ROS1: variants seen among roughly 807,000 people sequenced by gnomAD.
The protein encoded by ROS1 is proto-oncogene tyrosine-protein kinase ROS.
A neutral mutation model predicts 273.5 loss-of-function variants in ROS1; 263 were observed. The ratio of observed to expected loss-of-function variants is 0.96; its 90% CI spans 0.87 to 1.06. The LOEUF is 1.06. ROS1 is among the 50% of genes least tolerant of loss of function. The pLI is 0.00. For missense variants in ROS1, 2,833 were observed against 2,751.1 expected (o/e 1.03, Z -0.67); for synonymous variants, 1,008 against 954.1 (o/e 1.06, Z -1.04).
Position 117,398,319 on chromosome 6 carries a change from C to T in ROS1, c.605-1203G>A, listed in dbSNP as rs76517505. ...AAAATCATCCCTGAAATGCTGGTAT[C>T]CCTTGTCTGACAATCATTCCTTTGT... On this transcript the variant is annotated intron_variant, in intron 7 of 43. Coordinates refer to ENST00000368507, the MANE Select transcript of ROS1 (RefSeq NM_001378902.1). Among the ~76,000 whole-genome samples the T allele has an allele frequency of 4.6e-5, 7 of 152,110 alleles. No individual in the cohort carries two copies. In the East Asian group the frequency reaches 1.4e-3, roughly 29 times the overall value.
chr6:117,360,108 G>T, intron 23 of ROS1, 97 bp from the exon 24 acceptor site: 1 of 955,618 alleles, frequency 1.0e-6, no homozygotes, highest in Non-Finnish European at 1.6e-6. Flanking sequence ...AAGTCCATGG[G>T]CTCCCTTTGG....
intron 18 of ROS1, among the ~76,000 whole-genome samples, chr6:117,367,008 G>T (rs1179910923): frequency 6.6e-6 from 1 of 152,178 alleles, no homozygotes; most frequent in Non-Finnish European, 1.5e-5. Context: ...GCATAAGAAA[G>T]ACATGAGGCA....
chr6:117,365,890 T>C (rs1780178733), intron 19 of ROS1, 149 bp from the exon 20 acceptor site: 3 of 904,438 alleles, frequency 3.3e-6, no homozygotes, highest in Non-Finnish European at 4.9e-6. Context: ...AAAAATCATC[T>C]TTTTCTGACT....
At chr6:117,321,217 C>T (rs2128563000) in intron 36 of ROS1, 42 bp downstream of exon 36, 3 of 1,599,814 alleles carry the variant, frequency 1.9e-6, no homozygotes, top group African/African-American at 1.3e-5. Flanking sequence ...TGTTGCCCAC[C>T]CTTTGCCTAG....
chr6:117,422,112 C>G (rs1226951315), intron 1 of ROS1, among the ~76,000 whole-genome samples: 1 of 152,130 alleles, frequency 6.6e-6, no homozygotes, highest in African/African-American at 2.4e-5. Flanking sequence ...CCTGCTCAAT[C>G]AATCCTCCCA....
rs142940626 is a variant in ROS1, at chr6:117,389,602, C to A, written c.1534G>T (p.Ala512Ser). Residue 512 changes from alanine (A) to serine (S), a missense_variant, in exon 13 of 44, where the codon GCT becomes TCT. By Grantham distance (99) the Ala-to-Ser change is moderately conservative (BLOSUM62 1). Coordinates refer to ENST00000368507, the MANE Select transcript of ROS1 (RefSeq NM_001378902.1). ...ACAAGAAAGTCATTGTTTTCACAAGCAAAACTTTTCACATCAGCAAAGGGG... is the reference window on the plus strand; with the variant it reads ...ACAAGAAAGTCATTGTTTTCACAAGAAAAACTTTTCACATCAGCAAAGGGG... ...RIPFADVKSF[A>S]CENNDFLVTD... 8.0e-5 allele frequency: 129 copies of A among 1,614,180 alleles called. No individual in the cohort carries two copies. In the South Asian group the frequency reaches 8.8e-4, roughly 11 times the overall value.
chr6:117,298,030 C>T (rs930923621), intron 43 of ROS1, among the ~76,000 whole-genome samples: 2 of 141,116 alleles, frequency 1.4e-5, no homozygotes, highest in African/African-American at 2.5e-5. Context: ...AAATACTATT[C>T]AGCCACTAAA....
chr6:117,307,105 C>T (rs1775162993), intron 42 of ROS1, among the ~76,000 whole-genome samples: 1 of 151,962 alleles, frequency 6.6e-6, no homozygotes. Context: ...AGCACTGCTC[C>T]TTCCTCCTTC....
At chr6:117,365,334 T>C in intron 20 of ROS1, 130 bp from the exon 21 acceptor site, 1 of 982,734 alleles carries the variant, frequency 1.0e-6, no homozygotes, top group Non-Finnish European at 1.5e-6. Context: ...AAGTGCTAAT[T>C]TTGGCAAGTT....
chr6:117,301,238 C>A (rs572455036), intron 42 of ROS1, 101 bp from the exon 43 acceptor site: 15 of 998,640 alleles, frequency 1.5e-5, no homozygotes, highest in Non-Finnish European at 2.2e-5. Flanking sequence ...TGAGTTATTG[C>A]CAGTTTTCCT....
rs2128555675 is a variant in ROS1, at chr6:117,317,224, C to T, written c.6036G>A (p.Leu2012=). The T allele has an allele frequency of 1.9e-6, 3 of 1,613,218 alleles. No homozygotes were observed. Among genetic ancestry groups the T allele is most frequent in the Non-Finnish European group, 2.5e-6 (3 of 1,179,538 alleles). ...CCAGGATAATGTATTGGGGTTCATT[C>T]AGCAGACAAACTCCAAGCTGCTTCA... ...NILKQLGVCL[L]NEPQYIILEL... The change falls in exon 39 of 44, where the codon CTG becomes CTA. Residue 2012 remains leucine (L), a synonymous_variant. Transcript: ENST00000368507.
rs1772300846 is a variant in ROS1 at position 117,383,301 on chromosome 6, T to C, written c.2481+16A>G. ...TATTCAGTATTACTAAATGATCAGA[T>C]CTTTTAATTTGTCACCTTTTTCCCA... On this transcript the variant is annotated intron_variant, in intron 17 of 43. Coordinates refer to ENST00000368507, the MANE Select transcript of ROS1 (RefSeq NM_001378902.1). 1.3e-6 allele frequency: 2 copies of C among 1,593,558 alleles called. No individual in the cohort carries two copies. Among genetic ancestry groups the C allele is most frequent in the South Asian group, 2.2e-5 (2 of 90,420 alleles).
chr6:117,365,748 G>A lies in ROS1; in HGVS notation c.2798-7C>T, dbSNP rs2128661317. ...GGGGTAAAGGAAAAGTTCCCTACAG[G>A]ATGAAACAAAAAAAAGAAATAGGAG... On this transcript the variant is annotated splice_region_variant and splice_polypyrimidine_tract_variant and intron_variant, in intron 19 of 43. Coordinates refer to ENST00000368507, the MANE Select transcript of ROS1 (RefSeq NM_001378902.1). 6.5e-7 allele frequency: 1 copy of A among 1,531,876 alleles called. No homozygotes were observed. The highest frequency in any genetic ancestry group is 8.7e-7 in the Non-Finnish European group (1 of 1,146,214). 94.9% of individuals were successfully genotyped at this position (1,531,876 alleles called of 1,614,324 possible).
rs750031784 is a variant in ROS1 at position 117,365,739 on chromosome 6, T to C, written c.2800A>G (p.Asn934Asp). The change falls in exon 20 of 44, where the codon AAC (asparagine) becomes GAC (aspartate). Residue 934 changes from asparagine (N) to aspartate (D), a missense_variant and splice_region_variant. Asn to Asp is a conservative substitution (Grantham distance 23). Transcript: ENST00000368507. ...IQTSLKPLPGNFSFTPKVIPD... is the reference protein window; with the variant it reads ...IQTSLKPLPGDFSFTPKVIPD... Reference sequence around the variant, plus strand: ...ATAACCTTAGGGGTAAAGGAAAAGTTCCCTACAGGATGAAACAAAAAAAAG... The same window carrying C: ...ATAACCTTAGGGGTAAAGGAAAAGTCCCCTACAGGATGAAACAAAAAAAAG... 2 of 1,561,670 alleles carry C rather than the reference T, an allele frequency of 1.3e-6. No homozygotes were observed.
chr6:117,373,170 A>T (rs1220132093), intron 18 of ROS1, among the ~76,000 whole-genome samples: 4 of 152,360 alleles, frequency 2.6e-5, no homozygotes, highest in African/African-American at 9.6e-5. Flanking sequence ...ACAATCCTCC[A>T]GCTAGACATA....
chr6:117,388,271 G>C (rs1229317921), intron 13 of ROS1, among the ~76,000 whole-genome samples: 2 of 152,144 alleles, frequency 1.3e-5, no homozygotes, highest in African/African-American at 4.8e-5. Flanking sequence ...ATAATTGTCA[G>C]AGGGGTTCTC....
At position 117,341,146 on chromosome 6, in the gene ROS1, C is replaced by T. The variant is rs1278432974; in HGVS notation, c.5050G>A (p.Glu1684Lys). The T allele has an allele frequency of 6.2e-7, 1 of 1,605,516 alleles. No homozygotes were observed. The highest frequency in any genetic ancestry group is 8.5e-7 in the Non-Finnish European group (1 of 1,177,100). Residue 1684 changes from glutamate to lysine, a missense_variant, in exon 31 of 44, where the codon GAG (glutamate) becomes AAG (lysine). Coordinates refer to ENST00000368507, the MANE Select transcript of ROS1 (RefSeq NM_001378902.1). Reference protein sequence around the residue: ...LNVNLIRFWVELQKWKYNEFY... With the variant: ...LNVNLIRFWVKLQKWKYNEFY... ...CATTAAAAGTCTACCTTCTGTAGCT[C>T]AACCCAAAATCTGATGAGGTTAACA...
At position 117,425,769 on chromosome 6, in the gene ROS1, T is replaced by C; in HGVS notation, c.-113A>G. On this transcript the variant is annotated 5_prime_UTR_variant, in exon 1 of 44. Coordinates refer to ENST00000368507, the MANE Select transcript of ROS1 (RefSeq NM_001378902.1). ...GAGGAGTAGCTGATGGATTTTGCTTTGTTTGTTTTGCTATATTAGGATATA... is the reference window on the plus strand; with the variant it reads ...GAGGAGTAGCTGATGGATTTTGCTTCGTTTGTTTTGCTATATTAGGATATA... 4 of 1,203,700 alleles carry C rather than the reference T, an allele frequency of 3.3e-6. No homozygotes were observed. Among genetic ancestry groups the C allele is most frequent in the Non-Finnish European group, 4.8e-6 (4 of 841,076 alleles). The allele number at this position is 1,203,700 out of a possible 1,614,324, so 74.6% of individuals were successfully genotyped here. A position where few individuals can be genotyped will look rare whatever the true frequency, so the allele number is the denominator to read the frequency against.
At position 117,383,361 on chromosome 6, in the gene ROS1, T is replaced by C. The variant is rs780347313; in HGVS notation, c.2437A>G (p.Ser813Gly). The change falls in exon 17 of 44, where the codon AGT becomes GGT. Residue 813 changes from serine to glycine, a missense_variant. By Grantham distance (56) the Ser-to-Gly change is moderately conservative. Coordinates refer to ENST00000368507, the MANE Select transcript of ROS1 (RefSeq NM_001378902.1). The part of the protein sequence containing the change: ...SVESTRLNGE[S>G]SLVLQTQPWF... ...GGCTGTGTCTGTAGTACAAGGGAAC[T>C]TTCCCCATTTAGTCTGGTGCTTTCC... The C allele has an allele frequency of 6.2e-7, 1 of 1,614,114 alleles. No homozygotes were observed. Among genetic ancestry groups the C allele is most frequent in the Non-Finnish European group, 8.5e-7 (1 of 1,179,946 alleles).
Sources: gnomAD v4.1 joint callset for allele counts (sites outside exome capture counted in the v4.1 genomes callset) on GRCh38, gnomAD v4.1.1 for gene constraint, MANE v1.5 for transcripts, NCBI Gene and HGNC (gene_info 2026-07-23, HGNC 2026-07-21) for gene names.